The following WDR36 variants were observed in gnomAD, a reference collection of about 807,000 sequenced individuals.
The protein encoded by WDR36 is WD repeat domain 36, also known as WD repeat-containing protein 36.
A neutral mutation model predicts 112.7 loss-of-function variants in WDR36; 63 were observed. That is an observed-to-expected ratio of 0.56 (90% confidence interval 0.46 to 0.69). The LOEUF (loss-of-function observed/expected upper bound fraction) is 0.69. Among genes scored for constraint, WDR36 ranks in the 30% least tolerant of loss-of-function variants. WDR36 has a pLI of 0.00. For missense variants in WDR36, 1,226 were observed against 1,070.3 expected (o/e 1.15, Z -2.03); for synonymous variants, 410 against 362.2 (o/e 1.13, Z -1.50).
intron 22 of WDR36, 42 bp downstream of exon 22, chr5:111,125,837 C>T (rs1359188748): frequency 6.2e-7 from 1 of 1,606,732 alleles, no homozygotes; most frequent in Non-Finnish European, 8.5e-7. Flanking sequence ...TTGTCTTCTT[C>T]TGGGGCAGTG....
intron 3 of WDR36, among the ~76,000 whole-genome samples, chr5:111,097,700 T>A (rs1010670546): frequency 1.3e-5 from 2 of 152,174 alleles, no homozygotes; most frequent in African/African-American, 4.8e-5. Context: ...AATCTACCAG[T>A]TGGTTTCTGA....
rs149253873 is a variant in WDR36 at position 111,130,425 on chromosome 5, A to G, written c.*3542A>G. ...CAAGAACAATGAATGTCTTCATTAA[A>G]TCATCTTTTGTGGGAGAGCTTTTGG... On this transcript the variant is annotated 3_prime_UTR_variant, in exon 23 of 23. Transcript: ENST00000513710. 54 of 179,728 alleles carry G rather than the reference A, an allele frequency of 3.0e-4. No homozygotes were observed. Among genetic ancestry groups the G allele is most frequent in the Non-Finnish European group, 5.0e-4 (42 of 83,624 alleles). 11.1% of individuals were successfully genotyped at this position (179,728 alleles called of 1,614,324 possible).
At chr5:111,125,166 A>G (rs1389085835) in intron 21 of WDR36, among the ~76,000 whole-genome samples, 2 of 152,198 alleles carry the variant, frequency 1.3e-5, no homozygotes, top group Non-Finnish European at 2.9e-5. Context: ...CCTAATGATT[A>G]TGTACTTTTA....
rs1270988038 is a variant in WDR36, at chr5:111,126,836, A to C, written c.2641A>C (p.Asn881His). The change falls in exon 23 of 23, where the codon AAT (asparagine) becomes CAT (histidine). Residue 881 changes from asparagine to histidine, a missense_variant. Asn to His is a moderately conservative substitution (Grantham distance 68). Transcript: ENST00000513710. Reference sequence around the variant, plus strand: ...CTGGACCCATTTGCAATCACTCTTCAATCAAAGCATGTGTATTTTAAATTA... The same window carrying C: ...CTGGACCCATTTGCAATCACTCTTCCATCAAAGCATGTGTATTTTAAATTA... ...ENWTHLQSLFNQSMCILNYLK... is the reference protein window; with the variant it reads ...ENWTHLQSLFHQSMCILNYLK... 1 of 1,612,688 alleles carries C rather than the reference A, an allele frequency of 6.2e-7. No individual in the cohort carries two copies. The highest frequency in any genetic ancestry group is 8.5e-7 in the Non-Finnish European group (1 of 1,179,574).
chr5:111,107,171 T>C (rs1753236933), intron 11 of WDR36, 123 bp from the exon 12 acceptor site: 2 of 1,081,548 alleles, frequency 1.8e-6, no homozygotes, highest in Non-Finnish European at 2.7e-6. Context: ...CATATTGCTA[T>C]CAGATATTAC....
At chr5:111,117,484 G>T (rs948371819) in intron 16 of WDR36, among the ~76,000 whole-genome samples, 1 of 152,122 alleles carries the variant, frequency 6.6e-6, no homozygotes, top group Admixed American at 6.6e-5. Context: ...CTGTTGCCCT[G>T]TTTTTGTGTT....
intron 1 of WDR36, among the ~76,000 whole-genome samples, chr5:111,093,640 C>T (rs909583569): frequency 6.6e-6 from 1 of 152,146 alleles, no homozygotes; most frequent in Non-Finnish European, 1.5e-5. Flanking sequence ...CTAACTTTTG[C>T]TTTTGCTGGT....
At chr5:111,100,047 A>G (rs1753090502) in intron 4 of WDR36, among the ~76,000 whole-genome samples, 1 of 149,772 alleles carries the variant, frequency 6.7e-6, no homozygotes, top group Non-Finnish European at 1.5e-5. Context: ...CCCCCACTCC[A>G]CAGGGTTATA....
At chr5:111,115,723 C>T (rs1289960556) in intron 16 of WDR36, among the ~76,000 whole-genome samples, 1 of 152,106 alleles carries the variant, frequency 6.6e-6, no homozygotes, top group Middle Eastern at 3.2e-3. Context: ...TATTAACATA[C>T]AGGTATATCC....
In WDR36 at chr5:111,103,330, T is replaced by G. The variant is rs146268835; in HGVS notation, c.598-456T>G. Among the ~76,000 whole-genome samples, 4 of 151,920 alleles carry G rather than the reference T, an allele frequency of 2.6e-5. No individual in the cohort carries two copies. In the East Asian group the frequency reaches 7.7e-4, roughly 29 times the overall value. On this transcript the variant is annotated intron_variant, in intron 6 of 22. Coordinates refer to ENST00000513710, the MANE Select transcript of WDR36 (RefSeq NM_139281.3). ...AACTTTTTTTGCCTTTTCACATGTT[T>G]TGTAGGTTTTTCCTACTTTCTTGGA... is the stretch of plus-strand genomic sequence containing the variant.
At chr5:111,124,498 T>C (rs1176827941) in intron 21 of WDR36, among the ~76,000 whole-genome samples, 1 of 152,146 alleles carries the variant, frequency 6.6e-6, no homozygotes, top group Non-Finnish European at 1.5e-5. Flanking sequence ...GTGAATTAAA[T>C]GTAAAAGTTT....
rs1429161985 is a variant in WDR36, at chr5:111,125,612, C to T, written c.2355C>T (p.Asp785=). ...CTGGATTAAAATTTAATGCAGATGA[C>T]ACTGCTCTCAACCTTCTGAAAGAAT... is the stretch of plus-strand genomic sequence containing the variant. The part of the protein sequence containing the change: ...LEEGLVNNKY[D]TALNLLKESG... The change falls in exon 22 of 23, where the codon GAC becomes GAT. Residue 785 remains aspartate (D), a synonymous_variant. Transcript: ENST00000513710. 1.2e-6 allele frequency: 2 copies of T among 1,613,080 alleles called. No individual in the cohort carries two copies. Among genetic ancestry groups the T allele is most frequent in the South Asian group, 2.2e-5 (2 of 90,990 alleles).
chr5:111,098,039 G>T (rs1486325614), intron 3 of WDR36, among the ~76,000 whole-genome samples: 1 of 152,154 alleles, frequency 6.6e-6, no homozygotes, highest in East Asian at 1.9e-4. Flanking sequence ...CCTATATGTG[G>T]TTCAGATGTG....
chr5:111,103,475 T>A (rs914935502), intron 6 of WDR36, among the ~76,000 whole-genome samples: 1 of 151,770 alleles, frequency 6.6e-6, no homozygotes, highest in Non-Finnish European at 1.5e-5. Context: ...TGTAGTGATT[T>A]TATACATAGC....
At chr5:111,101,052 A>T (rs539884400) in intron 5 of WDR36, among the ~76,000 whole-genome samples, 1 of 152,136 alleles carries the variant, frequency 6.6e-6, no homozygotes. Flanking sequence ...TGAAAGTTAT[A>T]TGCAAATACC....
At chr5:111,100,832 G>T (rs1255361652) in intron 5 of WDR36, 111 bp downstream of exon 5, 3 of 1,147,248 alleles carry the variant, frequency 2.6e-6, no homozygotes, top group East Asian at 5.1e-5. Context: ...TATTTGGAGG[G>T]TTGTCTATAA....
rs771848042 is a variant in WDR36 at position 111,124,164 on chromosome 5, TGAA to T, written c.2330_2332del (p.Glu777del). ...AAAAATCAGATTTCTGCTTGAAACT[TGAA>T]GAAGGACTGGTAAATAATAAGTGTA... On this transcript the variant is annotated inframe_deletion, in exon 21 of 23. Coordinates refer to ENST00000513710, the MANE Select transcript of WDR36 (RefSeq NM_139281.3). 9 of 1,612,502 alleles carry T rather than the reference TGAA, an allele frequency of 5.6e-6. No individual in the cohort carries two copies. Among genetic ancestry groups the T allele is most frequent in the South Asian group, 4.4e-5 (4 of 90,954 alleles).
intron 21 of WDR36, among the ~76,000 whole-genome samples, chr5:111,125,283 T>C (rs541828389): frequency 6.6e-6 from 1 of 152,318 alleles, no homozygotes; most frequent in African/African-American, 2.4e-5. Flanking sequence ...TTAATTAGGA[T>C]TTACTCTGAG....
chr5:111,095,630 A>G (rs1483347216), intron 2 of WDR36, among the ~76,000 whole-genome samples: 1 of 152,226 alleles, frequency 6.6e-6, no homozygotes, highest in African/African-American at 2.4e-5. Context: ...GGAAATATTC[A>G]TTGGAACATT....
Sources: allele counts gnomAD v4.1 joint callset (sites outside exome capture counted in the v4.1 genomes callset), GRCh38; gene constraint gnomAD v4.1.1; transcripts MANE v1.5; gene names NCBI Gene and HGNC (gene_info 2026-07-23, HGNC 2026-07-21).